Variants in BICDL1 observed in about 807,000 individuals in gnomAD.
BICDL1 encodes the protein BICD family-like cargo adapter 1.
Under a neutral mutation model 76.8 loss-of-function variants are expected in BICDL1, and 20 were observed. That is an observed-to-expected ratio of 0.26 (90% CI 0.18 to 0.38). The LOEUF is 0.38. Among genes scored for constraint, BICDL1 ranks in the 10% least tolerant of loss-of-function variants. The probability of loss-of-function intolerance (pLI) is 1.00; values close to 1 mark genes in which losing one functional copy is unlikely to be tolerated. For synonymous variants in BICDL1, 383 were observed against 337.1 expected, an observed-to-expected ratio of 1.14 and a Z score of -1.49; for missense variants, 700 against 798.6, an observed-to-expected ratio of 0.88 and a Z score of 1.49.
chr12:120,076,913 C>T (rs140881550), intron 7 of BICDL1, among the ~76,000 whole-genome samples: 2 of 152,386 alleles, frequency 1.3e-5, no homozygotes, highest in Non-Finnish European at 2.9e-5. Context: ...GTGCCTGGTG[C>T]TGCACTAGGC....
At chr12:120,015,557 A>G (rs1952044471) in intron 2 of BICDL1, among the ~76,000 whole-genome samples, 1 of 152,132 alleles carries the variant, frequency 6.6e-6, no homozygotes, top group South Asian at 2.1e-4. Flanking sequence ...TCTTACGGTT[A>G]ATTCATGTAT....
chr12:120,074,690 C>T (rs1239884012), intron 7 of BICDL1, 104 bp downstream of exon 7: 2 of 883,342 alleles, frequency 2.3e-6, no homozygotes, highest in African/African-American at 3.6e-5. Flanking sequence ...TGAGAAGTGG[C>T]TCTCCTTCAT....
chr12:120,084,904 A>AG (rs1874277710), intron 8 of BICDL1, among the ~76,000 whole-genome samples: 1 of 151,922 alleles, frequency 6.6e-6, no homozygotes, highest in Admixed American at 6.6e-5. Flanking sequence ...AAAAAAAAAA[A>AG]AAATTACTCA....
intron 2 of BICDL1, among the ~76,000 whole-genome samples, chr12:120,016,149 C>G (rs1254634821): frequency 3.9e-5 from 6 of 152,316 alleles, no homozygotes; most frequent in Admixed American, 1.3e-4. Flanking sequence ...TAAATGGAAT[C>G]AGGCAATATA....
chr12:120,071,493 C>A lies in BICDL1; in HGVS notation c.910-129C>A. 1 of 1,311,662 alleles carries A rather than the reference C, an allele frequency of 7.6e-7. No homozygotes were observed. Among genetic ancestry groups the A allele is most frequent in the Non-Finnish European group, 1.0e-6 (1 of 991,612 alleles). 81.3% of individuals were successfully genotyped at this position (1,311,662 alleles called of 1,614,324 possible). ...GAGTGCATCTCCTGATGTAGTTTAA[C>A]ATGTTCTTCTCTCCTATTTATTTTT... On this transcript the variant is annotated intron_variant, in intron 4 of 9. Coordinates refer to ENST00000548673, the MANE Select transcript of BICDL1 (RefSeq NM_001367886.1). This position sits in a 1 kb window ranked among gnomAD's most constrained non-coding sequence, Gnocchi z 4.8.
chr12:119,997,991 G>A (rs77344268), intron 1 of BICDL1, among the ~76,000 whole-genome samples: 8,484 of 152,170 alleles, frequency 0.056, 471 homozygotes, highest in African/African-American at 0.14. Flanking sequence ...GCGCATTCCT[G>A]TAATTCCAGC....
At chr12:120,046,583 C>T (rs748356691) in intron 2 of BICDL1, among the ~76,000 whole-genome samples, 1 of 152,216 alleles carries the variant, frequency 6.6e-6, no homozygotes, top group African/African-American at 2.4e-5. Context: ...TGTGGTCACA[C>T]AGTACAGTAA....
chr12:120,080,973 G>A lies in BICDL1; in HGVS notation c.1539G>A (p.Glu513=), dbSNP rs1316995081. 1 of 1,613,792 alleles carries A rather than the reference G, an allele frequency of 6.2e-7. No homozygotes were observed. Among genetic ancestry groups the A allele is most frequent in the Admixed American group, 1.7e-5 (1 of 60,000 alleles). Residue 513 remains glutamate (E), a synonymous_variant, in exon 8 of 10, where the codon GAG becomes GAA. Transcript: ENST00000548673. The part of the protein sequence containing the change: ...RVTSEDKEPK[E]QLQKAIRDRD... The stretch of plus-strand genomic sequence containing the variant: ...CTTCTGAGGACAAGGAGCCAAAGGA[G>A]CAGCTTCAGAAGGCCATCAGGGACC...
intron 2 of BICDL1, among the ~76,000 whole-genome samples, chr12:120,056,671 C>G (rs937753073): frequency 6.6e-6 from 1 of 151,816 alleles, no homozygotes. Flanking sequence ...TAGCCGAGAT[C>G]GCGCTACTGC....
chr12:120,008,703 T>C (rs1486453916), intron 2 of BICDL1, among the ~76,000 whole-genome samples: 3 of 152,318 alleles, frequency 2.0e-5, no homozygotes, highest in East Asian at 1.9e-4. Flanking sequence ...TTTACATCAC[T>C]AGGTAAAATG....
At chr12:120,085,845 C>T (rs1356254987) in intron 8 of BICDL1, among the ~76,000 whole-genome samples, 2 of 142,542 alleles carry the variant, frequency 1.4e-5, no homozygotes, top group Non-Finnish European at 3.0e-5. Flanking sequence ...TAGAAGTACA[C>T]ATGGGTTGGT....
rs1312981134 is a variant in BICDL1 at position 120,079,225 on chromosome 12, C to T, written c.1453-1662C>T. On this transcript the variant is annotated intron_variant, in intron 7 of 9. Transcript: ENST00000548673. The surrounding 1 kb of genome is among the most constrained non-coding windows in gnomAD (Gnocchi z 4.3). ...GTGGCAACAGATTGTCCTTCTGTCC[C>T]TCTTCACTGTTGGGTGTCCTCTGAA... 6.6e-6 allele frequency among the ~76,000 whole-genome samples: 1 copy of T among 152,214 alleles called. No individual in the cohort carries two copies.
At chr12:120,013,439 A>AGAGTGT (rs370032828) in intron 2 of BICDL1, among the ~76,000 whole-genome samples, 64 of 134,886 alleles carry the variant, frequency 4.7e-4, no homozygotes, top group African/African-American at 1.5e-3. Context: ...CTTTAACCAG[A>AGAGTGT]GTGTGTGTGT....
chr12:120,004,459 G>A (rs1037744286), intron 2 of BICDL1, among the ~76,000 whole-genome samples: 4 of 152,210 alleles, frequency 2.6e-5, no homozygotes, highest in Non-Finnish European at 5.9e-5. Flanking sequence ...GAGATAGGGA[G>A]GGTGATAAAG....
intron 2 of BICDL1, among the ~76,000 whole-genome samples, chr12:120,040,797 G>T (rs1952626582): frequency 7.0e-6 from 1 of 143,188 alleles, no homozygotes. Flanking sequence ...GCTCAGACTG[G>T]AGTGCAATGG....
At chr12:120,077,438 G>A (rs1330933531) in intron 7 of BICDL1, among the ~76,000 whole-genome samples, 1 of 152,078 alleles carries the variant, frequency 6.6e-6, no homozygotes, top group Non-Finnish European at 1.5e-5. Flanking sequence ...AGGATGCAGG[G>A]GGGTCTTCTG....
chr12:120,042,498 C>T (rs2138814064), intron 2 of BICDL1, among the ~76,000 whole-genome samples: 1 of 152,066 alleles, frequency 6.6e-6, no homozygotes, highest in Non-Finnish European at 1.5e-5. Flanking sequence ...GGTAAGTAGG[C>T]AGTTAGATAT....
chr12:119,989,486 G>A lies in BICDL1; in HGVS notation c.-383G>A, dbSNP rs1333965198. Reference sequence around the variant, plus strand: ...CGGCAGCAGCAGCAGCAGCGGCAGCGGCAACAGGGCGGCTGAGAACCCGGC... The same window carrying A: ...CGGCAGCAGCAGCAGCAGCGGCAGCAGCAACAGGGCGGCTGAGAACCCGGC... On this transcript the variant is annotated 5_prime_UTR_variant, in exon 1 of 10. Transcript: ENST00000548673. Among the ~76,000 whole-genome samples, 3 of 139,334 alleles carry A rather than the reference G, an allele frequency of 2.2e-5. No individual in the cohort carries two copies. The highest frequency in any genetic ancestry group is 4.7e-5 in the Non-Finnish European group (3 of 63,690). The allele number at this position is 139,334 out of a possible 152,430, so 91.4% of individuals were successfully genotyped here.
intron 4 of BICDL1, among the ~76,000 whole-genome samples, chr12:120,065,538 C>A (rs754859140): frequency 3.9e-5 from 6 of 152,230 alleles, no homozygotes; most frequent in Non-Finnish European, 7.3e-5. Flanking sequence ...AAGATATCAT[C>A]ACTCCAGTCT....
Sources: gnomAD v4.1 joint callset for allele counts (sites outside exome capture counted in the v4.1 genomes callset) on GRCh38, gnomAD v4.1.1 for gene constraint, Gnocchi (gnomAD v3.1) non-coding constraint, MANE v1.5 for transcripts, NCBI Gene and HGNC (gene_info 2026-07-23, HGNC 2026-07-21) for gene names.